RNF175: variants seen among roughly 807,000 people sequenced by gnomAD.
The protein encoded by RNF175 is ring finger protein 175.
A neutral mutation model predicts 50.0 loss-of-function variants in RNF175; 38 were observed. The ratio of observed to expected loss-of-function variants is 0.76; its 90% CI spans 0.59 to 1.00. The LOEUF is 1.00. Among genes scored for constraint, RNF175 ranks in the 50% least tolerant of loss-of-function variants. The pLI is 0.00. For synonymous variants in RNF175, 155 were observed against 146.1 expected (o/e 1.06, Z -0.44); for missense variants, 388 against 409.6 (o/e 0.95, Z 0.46).
In RNF175 at chr4:153,759,865, C is replaced by G; in HGVS notation, c.-3G>C. 1 of 1,441,766 alleles carries G rather than the reference C, an allele frequency of 6.9e-7. No homozygotes were observed. The highest frequency in any genetic ancestry group is 9.0e-7 in the Non-Finnish European group (1 of 1,105,174). 89.3% of individuals were successfully genotyped at this position (1,441,766 alleles called of 1,614,324 possible). A position where few individuals can be genotyped will look rare whatever the true frequency, so the allele number is the denominator to read the frequency against. ...CGCGCCGCCGTCCCCGCGGCCATGC[C>G]TGAGCCACTGTGCCTTCTCCAGGGC... On this transcript the variant is annotated 5_prime_UTR_variant, in exon 1 of 9. Coordinates refer to ENST00000347063, the MANE Select transcript of RNF175 (RefSeq NM_173662.4).
In RNF175 at chr4:153,712,537, C is replaced by T. The variant is rs1737657475; in HGVS notation, c.804G>A (p.Gly268=). The T allele has an allele frequency of 6.2e-7, 1 of 1,613,114 alleles. No individual in the cohort carries two copies. The highest frequency in any genetic ancestry group is 1.1e-5 in the South Asian group (1 of 90,980). ...TGCAGTAAGGGCAAGTCTGCTTTTTCCCAACGATACACCAACCTCGGATGC... is the reference window on the plus strand; with the variant it reads ...TGCAGTAAGGGCAAGTCTGCTTTTTTCCAACGATACACCAACCTCGGATGC... ...EFCIRGWCIV[G]KKQTCPYCKE... Residue 268 remains glycine (G), a synonymous_variant, in exon 8 of 9, where the codon GGG becomes GGA. Transcript: ENST00000347063.
At chr4:153,733,091 C>T (rs1012273382) in intron 3 of RNF175, among the ~76,000 whole-genome samples, 3 of 152,078 alleles carry the variant, frequency 2.0e-5, no homozygotes, top group African/African-American at 7.2e-5. Flanking sequence ...GTACACAGCT[C>T]CTACAGACCG....
chr4:153,726,418 C>G (rs1241871182), intron 4 of RNF175, among the ~76,000 whole-genome samples: 1 of 152,126 alleles, frequency 6.6e-6, no homozygotes, highest in East Asian at 1.9e-4. Context: ...ATTTCTGACC[C>G]TGAACTTCAC....
At chr4:153,720,340 G>A (rs750388742) in intron 5 of RNF175, 36 bp from the exon 6 acceptor site, 1 of 1,582,568 alleles carries the variant, frequency 6.3e-7, no homozygotes, top group Non-Finnish European at 8.7e-7. Context: ...ATAAGAATGT[G>A]GCATATTTCC....
chr4:153,744,190 G>A (rs1739839582), intron 3 of RNF175, among the ~76,000 whole-genome samples: 1 of 152,198 alleles, frequency 6.6e-6, no homozygotes, highest in African/African-American at 2.4e-5. Context: ...GGGAGGCCAA[G>A]GCGGGTGGAT....
At position 153,715,558 on chromosome 4, in the gene RNF175, T is replaced by C; in HGVS notation, c.735A>G (p.Glu245=). ...GATTACAGGAAAGCTGGTAGGTGTTTTCAATGAGCCCTTCTTCATCAAGCT... is the reference window on the plus strand; with the variant it reads ...GATTACAGGAAAGCTGGTAGGTGTTCTCAATGAGCCCTTCTTCATCAAGCT... ...IVELDEEGLI[E]NTYQLSCNHV... Residue 245 remains glutamate, a synonymous_variant, in exon 7 of 9, where the codon GAA becomes GAG. Transcript: ENST00000347063. 6.2e-7 allele frequency: 1 copy of C among 1,609,276 alleles called. No homozygotes were observed. The highest frequency in any genetic ancestry group is 8.5e-7 in the Non-Finnish European group (1 of 1,177,526).
chr4:153,712,847 T>C (rs1309460850), intron 7 of RNF175, among the ~76,000 whole-genome samples: 1 of 149,780 alleles, frequency 6.7e-6, no homozygotes, highest in African/African-American at 2.5e-5. Flanking sequence ...ATAAAGAATA[T>C]GAGTCCTTTT....
intron 3 of RNF175, among the ~76,000 whole-genome samples, chr4:153,744,499 A>G (rs1301360379): frequency 6.6e-6 from 1 of 152,212 alleles, no homozygotes; most frequent in Admixed American, 6.5e-5. Flanking sequence ...CTCCTGGAGC[A>G]TTGTTTCCTT....
At chr4:153,721,093 A>T (rs1373504757) in intron 5 of RNF175, among the ~76,000 whole-genome samples, 1 of 152,096 alleles carries the variant, frequency 6.6e-6, no homozygotes. Flanking sequence ...ACTGAAAAAA[A>T]CTTTTTGTAA....
chr4:153,756,133 A>ACC (rs1740551116), intron 1 of RNF175, among the ~76,000 whole-genome samples: 1 of 152,204 alleles, frequency 6.6e-6, no homozygotes, highest in Non-Finnish European at 1.5e-5. Context: ...AACATATGTC[A>ACC]CTGAAAAGAA....
intron 3 of RNF175, among the ~76,000 whole-genome samples, chr4:153,736,724 T>C (rs1422192664): frequency 6.6e-6 from 1 of 152,242 alleles, no homozygotes; most frequent in African/African-American, 2.4e-5. Flanking sequence ...TATTTCTCCT[T>C]GTGCGAGTTT....
intron 3 of RNF175, chr4:153,729,757 A>T: frequency 2.0e-6 from 2 of 984,958 alleles, no homozygotes; most frequent in Non-Finnish European, 2.4e-6. Context: ...AGAACCCTAG[A>T]GTTGTTATCA....
intron 3 of RNF175, among the ~76,000 whole-genome samples, chr4:153,741,150 C>G (rs1385238524): frequency 6.6e-6 from 1 of 151,914 alleles, no homozygotes; most frequent in Non-Finnish European, 1.5e-5. Context: ...GTGGCCTTTA[C>G]AAGTGTTTCT....
intron 1 of RNF175, 33 bp from the exon 2 acceptor site, chr4:153,751,508 AT>A (rs1266383448): frequency 3.3e-6 from 5 of 1,521,574 alleles, no homozygotes; most frequent in Admixed American, 2.1e-5. Context: ...TTATCAAAAA[AT>A]GTCCTTATTT....
intron 6 of RNF175, 120 bp downstream of exon 6, chr4:153,720,064 A>G (rs898441681): frequency 6.2e-5 from 63 of 1,012,768 alleles, no homozygotes; most frequent in Non-Finnish European, 4.9e-5. Flanking sequence ...GTTCCAAAGG[A>G]AACAATAATC....
At position 153,716,643 on chromosome 4, in the gene RNF175, C is replaced by A. The variant is rs79663756; in HGVS notation, c.631-981G>T. Among the ~76,000 whole-genome samples the A allele has an allele frequency of 4.7e-4, 71 of 152,182 alleles. No homozygotes were observed. The East Asian group carries it at 0.012, about 27-fold the overall frequency. The stretch of plus-strand genomic sequence containing the variant: ...TATTACAGAGATTGGCTATATACCA[C>A]ATATCTAGTTTCCCTATATTATTAT... On this transcript the variant is annotated intron_variant, in intron 6 of 8. Coordinates refer to ENST00000347063, the MANE Select transcript of RNF175 (RefSeq NM_173662.4).
intron 3 of RNF175, among the ~76,000 whole-genome samples, chr4:153,744,259 TA>T (rs1250063889): frequency 5.1e-4 from 77 of 151,986 alleles, no homozygotes; most frequent in African/African-American, 1.8e-3. Flanking sequence ...CCATCTCTAC[TA>T]AAAAATACAA....
At chr4:153,738,239 G>A (rs1739451821) in intron 3 of RNF175, among the ~76,000 whole-genome samples, 1 of 151,972 alleles carries the variant, frequency 6.6e-6, no homozygotes, top group African/African-American at 2.4e-5. Context: ...TTATAGAGAT[G>A]GGGTTTCATC....
chr4:153,713,569 C>T (rs1435606789), intron 7 of RNF175: 3 of 152,190 alleles, frequency 2.0e-5, no homozygotes, highest in African/African-American at 7.2e-5. Context: ...ACATGATCTT[C>T]TGACTGGCCT....
Sources: allele counts gnomAD v4.1 joint callset (sites outside exome capture counted in the v4.1 genomes callset), GRCh38; gene constraint gnomAD v4.1.1; transcripts MANE v1.5; gene names NCBI Gene and HGNC (gene_info 2026-07-23, HGNC 2026-07-21).